Variants in CDHR2 observed in about 807,000 individuals in gnomAD.
CDHR2 encodes the protein cadherin related family member 2, also known as cadherin-related family member 2.
CDHR2 carries 104 observed loss-of-function variants against 138.6 expected under a neutral mutation model. The ratio of observed to expected loss-of-function variants is 0.75; its 90% confidence interval spans 0.64 to 0.88. CDHR2 has a LOEUF of 0.88. Ranked by LOEUF, CDHR2 falls within the 40% of genes least tolerant of loss-of-function variation. The probability of loss-of-function intolerance (pLI) is 0.00; values close to 1 mark genes in which losing one functional copy is unlikely to be tolerated. For missense variants in CDHR2, 1,624 were observed against 1,727.6 expected, an observed-to-expected ratio of 0.94 and a Z score of 1.06; for synonymous variants, 755 against 742.8, an observed-to-expected ratio of 1.02 and a Z score of -0.27.
At chr5:176,593,333 A>G (rs939960808) in intron 31 of CDHR2, among the ~76,000 whole-genome samples, 2 of 152,232 alleles carry the variant, frequency 1.3e-5, no homozygotes, top group African/African-American at 4.8e-5. Flanking sequence ...TGCCCAGGTC[A>G]CACCCAGGTC....
chr5:176,573,659 A>AT (rs397787340), intron 6 of CDHR2, among the ~76,000 whole-genome samples: 2 of 150,970 alleles, frequency 1.3e-5, no homozygotes, highest in Admixed American at 6.6e-5. Flanking sequence ...GAAAAAAAAA[A>AT]GGAGGTAGAG....
In CDHR2 at chr5:176,595,592, T is replaced by A. The variant is rs761070780; in HGVS notation, c.3853T>A (p.Leu1285Ile). 3 of 1,612,936 alleles carry A rather than the reference T, an allele frequency of 1.9e-6. No individual in the cohort carries two copies. Among genetic ancestry groups the A allele is most frequent in the Non-Finnish European group, 2.5e-6 (3 of 1,179,374 alleles). Residue 1285 changes from leucine to isoleucine, a missense_variant, in exon 32 of 32, where the codon TTA becomes ATA. Physicochemically the swap from Leu to Ile is conservative, Grantham distance 5. Around this residue, in one of 3 missense-constraint regions of CDHR2, gnomAD observed 556 missense variants for 565.7 expected, o/e 0.98. Transcript: ENST00000261944. ...TCCAGAGCCCCTGAGCGTGGTCCTG[T>A]TAGGACGGCAGGCAGGCGCAAGTGG... ...PDPEPLSVVLLGRQAGASGQL... is the reference protein window; with the variant it reads ...PDPEPLSVVLIGRQAGASGQL...
chr5:176,577,975 A>G (rs745364416), intron 14 of CDHR2, 59 bp from the exon 15 acceptor site: 2 of 1,543,352 alleles, frequency 1.3e-6, no homozygotes, highest in Non-Finnish European at 1.8e-6. Flanking sequence ...CACGAGCTGC[A>G]TGGGTGGCGG....
In CDHR2 at chr5:176,575,581, T is replaced by G; in HGVS notation, c.844T>G (p.Tyr282Asp). 6.2e-7 allele frequency: 1 copy of G among 1,613,892 alleles called. No individual in the cohort carries two copies. The highest frequency in any genetic ancestry group is 8.5e-7 in the Non-Finnish European group (1 of 1,179,804). Residue 282 changes from tyrosine (Y) to aspartate (D), a missense_variant and splice_region_variant, in exon 10 of 32, where the codon TAC (tyrosine) becomes GAC (aspartate). Coordinates refer to ENST00000261944, the MANE Select transcript of CDHR2 (RefSeq NM_017675.6). ...INDPVIYSIS[Y>D]STRPGWFDIG... Reference sequence around the variant, plus strand: ...TGACCCTGTGATCTACAGCATCTCCTGTGAGAACGGGGTGTCCCCAGGCCA... The same window carrying G: ...TGACCCTGTGATCTACAGCATCTCCGGTGAGAACGGGGTGTCCCCAGGCCA...
chr5:176,561,165 C>T (rs1401740034), intron 1 of CDHR2, among the ~76,000 whole-genome samples: 1 of 152,208 alleles, frequency 6.6e-6, no homozygotes, highest in Non-Finnish European at 1.5e-5. Context: ...ACTGTTTAAG[C>T]CTCAACACAA....
chr5:176,583,671 C>T (rs1433989123), intron 17 of CDHR2, among the ~76,000 whole-genome samples: 7 of 152,168 alleles, frequency 4.6e-5, no homozygotes, highest in Admixed American at 4.6e-4. Flanking sequence ...CAGGTCTAAG[C>T]TTCTGCAGGT....
rs1758423137 is a variant in CDHR2 at position 176,577,645 on chromosome 5, C to T, written c.1359C>T (p.Ala453=). 6.2e-7 allele frequency: 1 copy of T among 1,614,214 alleles called. No homozygotes were observed. Residue 453 remains alanine (A), a synonymous_variant, in exon 14 of 32, where the codon GCC becomes GCT. Transcript: ENST00000261944. ...TCCTCCCCTGCCCCCAGGTTGTGGC[C>T]ACAGACTCCGTCAGCCAGAACTTCT... ...RQTAMAVQVV[A]TDSVSQNFSV...
Position 176,591,669 on chromosome 5 carries a change from CAGT to C in CDHR2, c.3734+186_3734+188del. 4 of 595,004 alleles carry C rather than the reference CAGT, an allele frequency of 6.7e-6. No homozygotes were observed. In the East Asian group the frequency reaches 8.8e-5, roughly 13 times the overall value. 36.9% of individuals were successfully genotyped at this position (595,004 alleles called of 1,614,324 possible). ...GTGATGGTGATGGTAGCAATGGTGA[CAGT>C]GGTGATGATGACAACAATGATGGTG... On this transcript the variant is annotated intron_variant, in intron 30 of 31. Coordinates refer to ENST00000261944, the MANE Select transcript of CDHR2 (RefSeq NM_017675.6).
chr5:176,585,083 C>G, intron 19 of CDHR2, 68 bp downstream of exon 19: 1 of 1,462,214 alleles, frequency 6.8e-7, no homozygotes, highest in Non-Finnish European at 9.1e-7. Context: ...GAGCCCTGGG[C>G]TGGAACTCAC....
rs1211967748 is a variant in CDHR2 at position 176,553,752 on chromosome 5, C to A, written c.-16+4338C>A. ...CACCACCACCATCTCCCTCCCCCAA[C>A]TGTCACCTCCACCAGCGCCACCTGC... is the stretch of plus-strand genomic sequence containing the variant. On this transcript the variant is annotated intron_variant, in intron 1 of 31. Transcript: ENST00000261944. This position sits in a 1 kb window ranked among gnomAD's most constrained non-coding sequence, Gnocchi z 4.3. Among the ~76,000 whole-genome samples, 1 of 151,394 alleles carries A rather than the reference C, an allele frequency of 6.6e-6. No homozygotes were observed. Among genetic ancestry groups the A allele is most frequent in the East Asian group, 2.0e-4 (1 of 5,128 alleles).
chr5:176,585,806 GAGGCTGCGGGGCACA>G (rs1758648885), intron 19 of CDHR2, 133 bp from the exon 20 acceptor site: 2 of 657,544 alleles, frequency 3.0e-6, no homozygotes, highest in African/African-American at 1.8e-5. Context: ...GCACGGGGTT[GAGGCTGCGGGGCACA>G]GGGTTGAGGC....
rs759058285 is a variant in CDHR2 at position 176,589,365 on chromosome 5, C to G, written c.3044C>G (p.Thr1015Ser). The G allele has an allele frequency of 3.8e-6, 6 of 1,559,034 alleles. No individual in the cohort carries two copies. The highest frequency in any genetic ancestry group is 4.3e-6 in the Non-Finnish European group (5 of 1,151,882). ...VTSLDSTLQGTYQVTVQARDR... is the reference protein window; with the variant it reads ...VTSLDSTLQGSYQVTVQARDR... ...AGCCTCGACTCCACTCTCCAAGGCACCTACCAAGTGACAGTCCAGGCCAGG... is the reference window on the plus strand; with the variant it reads ...AGCCTCGACTCCACTCTCCAAGGCAGCTACCAAGTGACAGTCCAGGCCAGG... Residue 1015 changes from threonine (T) to serine (S), a missense_variant, in exon 23 of 32, where the codon ACC becomes AGC. Coordinates refer to ENST00000261944, the MANE Select transcript of CDHR2 (RefSeq NM_017675.6).
intron 17 of CDHR2, among the ~76,000 whole-genome samples, chr5:176,583,245 A>G (rs530171237): frequency 2.0e-5 from 3 of 152,312 alleles, no homozygotes; most frequent in African/African-American, 7.2e-5. Context: ...AGGTCCAGAG[A>G]GGTCAAGGTC....
chr5:176,567,475 T>A (rs573928809), intron 3 of CDHR2, among the ~76,000 whole-genome samples: 1 of 151,724 alleles, frequency 6.6e-6, no homozygotes, highest in Non-Finnish European at 1.5e-5. Context: ...CCACTACACC[T>A]GGCTAATTTT....
intron 1 of CDHR2, among the ~76,000 whole-genome samples, chr5:176,564,212 G>A (rs1402406993): frequency 2.6e-5 from 4 of 152,006 alleles, no homozygotes; most frequent in African/African-American, 9.7e-5. Context: ...TTGAGACGGA[G>A]TCTCACTCTG....
chr5:176,543,079 G>A lies in CDHR2; in HGVS notation c.-16+310G>A, dbSNP rs1757491865. Among the ~76,000 whole-genome samples, 2 of 151,774 alleles carry A rather than the reference G, an allele frequency of 1.3e-5. No homozygotes were observed. Among genetic ancestry groups the A allele is most frequent in the Non-Finnish European group, 2.9e-5 (2 of 67,824 alleles). ...GTTTGGACCTAGCGGACGGGGAGAA[G>A]AGCGGCGCAGCTCCCGCTGCCGGGC... On this transcript the variant is annotated intron_variant, in intron 1 of 31. Transcript: ENST00000510636. The surrounding 1 kb of genome is among the most constrained non-coding windows in gnomAD (Gnocchi z 4.0).
At position 176,590,623 on chromosome 5, in the gene CDHR2, T is replaced by C; in HGVS notation, c.3475T>C (p.Leu1159=). Reference sequence around the variant, plus strand: ...ACAGCTCATCAGTGTCATCATAGGATTGGGAGTGGCTTTGCTGCTGGTCCT... The same window carrying C: ...ACAGCTCATCAGTGTCATCATAGGACTGGGAGTGGCTTTGCTGCTGGTCCT... ...SKQLISVIIG[L]GVALLLVLVI... The change falls in exon 28 of 32, where the codon TTG becomes CTG. Residue 1159 remains leucine (L), a synonymous_variant. Transcript: ENST00000261944. 1 of 1,613,958 alleles carries C rather than the reference T, an allele frequency of 6.2e-7. No individual in the cohort carries two copies. The highest frequency in any genetic ancestry group is 8.5e-7 in the Non-Finnish European group (1 of 1,179,990).
At chr5:176,563,235 C>G (rs1272419390) in intron 1 of CDHR2, among the ~76,000 whole-genome samples, 1 of 152,176 alleles carries the variant, frequency 6.6e-6, no homozygotes, top group African/African-American at 2.4e-5. Flanking sequence ...GTAATCCCAG[C>G]TACTCGGGAG....
At chr5:176,569,713 C>CT (rs2113286161) in intron 5 of CDHR2, among the ~76,000 whole-genome samples, 1 of 152,278 alleles carries the variant, frequency 6.6e-6, no homozygotes, top group East Asian at 1.9e-4. Flanking sequence ...TTATTTCCCA[C>CT]TTTGGGAGGC....
Sources: allele counts gnomAD v4.1 joint callset (sites outside exome capture counted in the v4.1 genomes callset), GRCh38; gene constraint gnomAD v4.1.1; regional missense constraint gnomAD v4.1.1; non-coding constraint Gnocchi (gnomAD v3.1); transcripts MANE v1.5; gene names NCBI Gene and HGNC (gene_info 2026-07-23, HGNC 2026-07-21).